The following FRMD4A variants were observed in gnomAD, a reference collection of about 807,000 sequenced individuals.
The protein encoded by FRMD4A is FERM domain-containing protein 4A.
A neutral mutation model predicts 129.1 loss-of-function variants in FRMD4A; 29 were observed. That is an observed-to-expected ratio of 0.22 (90% confidence interval 0.17 to 0.31). The LOEUF (loss-of-function observed/expected upper bound fraction) is 0.31. FRMD4A is among the 10% of genes least tolerant of loss of function. The pLI, the probability that FRMD4A is intolerant of heterozygous loss-of-function variation, is 1.00. For synonymous variants in FRMD4A, 634 were observed against 571.6 expected (o/e 1.11, Z -1.56); for missense variants, 1,272 against 1,375.8 (o/e 0.92, Z 1.19).
chr10:13,652,313 A>G, intron 23 of FRMD4A: 1 of 350,872 alleles, frequency 2.9e-6, no homozygotes, highest in Non-Finnish European at 5.4e-6. Flanking sequence ...GCAGGTTTCA[A>G]GACCATCTTA....
intron 3 of FRMD4A, among the ~76,000 whole-genome samples, chr10:13,852,751 G>A (rs912946668): frequency 5.9e-5 from 9 of 152,024 alleles, no homozygotes; most frequent in Admixed American, 1.3e-4. Flanking sequence ...CACAGCTGGC[G>A]TGTGATTTAT....
At chr10:14,124,600 C>G (rs1270697747) in intron 2 of FRMD4A, among the ~76,000 whole-genome samples, 2 of 152,132 alleles carry the variant, frequency 1.3e-5, no homozygotes, top group African/African-American at 2.4e-5. Flanking sequence ...CTCGTGAACC[C>G]AGGAGGCGGA....
At chr10:13,910,875 C>T (rs12360273) in intron 2 of FRMD4A, among the ~76,000 whole-genome samples, 3 of 123,090 alleles carry the variant, frequency 2.4e-5, no homozygotes, top group African/African-American at 3.3e-5. Context: ...TGTTAAGCCT[C>T]TGGGAGTTTC....
intron 2 of FRMD4A, among the ~76,000 whole-genome samples, chr10:14,101,601 AAGG>A (rs1297291540): frequency 1.3e-5 from 2 of 152,204 alleles, no homozygotes; most frequent in Non-Finnish European, 2.9e-5. Flanking sequence ...ATGGTGAAGA[AAGG>A]AGAAGAAAAG....
At chr10:14,216,306 G>C (rs555177258) in intron 2 of FRMD4A, among the ~76,000 whole-genome samples, 1 of 152,192 alleles carries the variant, frequency 6.6e-6, no homozygotes, top group East Asian at 1.9e-4. Context: ...TGGTTTCTTT[G>C]CATCTTCAAG....
At chr10:14,121,958 C>A (rs538025739) in intron 2 of FRMD4A, among the ~76,000 whole-genome samples, 18 of 152,216 alleles carry the variant, frequency 1.2e-4, no homozygotes, top group Admixed American at 3.9e-4. Flanking sequence ...AAGGATTATG[C>A]CAAGATATGG....
intron 3 of FRMD4A, among the ~76,000 whole-genome samples, chr10:13,842,349 C>T (rs1215857971): frequency 6.6e-6 from 1 of 152,210 alleles, no homozygotes; most frequent in Non-Finnish European, 1.5e-5. Flanking sequence ...ACTTTTGTCT[C>T]TGCTAGCCAT....
intron 2 of FRMD4A, among the ~76,000 whole-genome samples, chr10:13,903,893 A>G (rs912348426): frequency 3.2e-4 from 49 of 151,894 alleles, no homozygotes; most frequent in African/African-American, 1.1e-3. Flanking sequence ...AAAAAAAAAA[A>G]TTGTCTGATG....
chr10:13,798,798 G>A (rs2130834382), intron 4 of FRMD4A, among the ~76,000 whole-genome samples: 1 of 152,340 alleles, frequency 6.6e-6, no homozygotes, highest in East Asian at 1.9e-4. Flanking sequence ...GATAAATTCT[G>A]TTCTGACTAG....
Position 14,286,739 on chromosome 10 carries a change from A to C in FRMD4A, c.45+43319T>G, listed in dbSNP as rs182662079. On this transcript the variant is annotated intron_variant, in intron 2 of 24. Transcript: ENST00000357447. Reference sequence around the variant, plus strand: ...AGCATGAGGAGTATGAAAACCCTGCATGTGCTCTGTGTAAAGCAAGCCTAA... The same window carrying C: ...AGCATGAGGAGTATGAAAACCCTGCCTGTGCTCTGTGTAAAGCAAGCCTAA... Among the ~76,000 whole-genome samples the C allele has an allele frequency of 4.6e-3, 697 of 152,250 alleles. 7 individuals carry two copies. Among genetic ancestry groups the C allele is most frequent in the African/African-American group, 0.016 (648 of 41,554 alleles).
At chr10:14,177,021 A>G (rs189873721) in intron 2 of FRMD4A, among the ~76,000 whole-genome samples, 1 of 152,306 alleles carries the variant, frequency 6.6e-6, no homozygotes, top group East Asian at 1.9e-4. Context: ...TTCAATAACT[A>G]GAATAAGCTG....
At chr10:14,041,204 A>G (rs1833766630) in intron 2 of FRMD4A, among the ~76,000 whole-genome samples, 1 of 152,174 alleles carries the variant, frequency 6.6e-6, no homozygotes, top group Admixed American at 6.5e-5. Flanking sequence ...GCACATGTCA[A>G]ACACTTCTGC....
rs2091495742 is a variant in FRMD4A, at chr10:13,750,045, A to AAGG, written c.465-2227_465-2226insCCT. Among the ~76,000 whole-genome samples, 18 of 118,960 alleles carry AAGG rather than the reference A, an allele frequency of 1.5e-4. No homozygotes were observed. In the South Asian group the frequency reaches 1.8e-3, roughly 12 times the overall value. 78.0% of individuals were successfully genotyped at this position (118,960 alleles called of 152,430 possible). A position where few individuals can be genotyped will look rare whatever the true frequency, so the allele number is the denominator to read the frequency against. ...GGAGAGAGAGAAAGAGAGGGAAAGG[A>AAGG]AAGGAAGGAAGGAAGGAAGGAAGGA... On this transcript the variant is annotated intron_variant, in intron 8 of 24. Transcript: ENST00000357447.
chr10:14,072,531 G>C (rs570445863), intron 2 of FRMD4A, among the ~76,000 whole-genome samples: 90 of 152,328 alleles, frequency 5.9e-4, no homozygotes, highest in South Asian at 4.1e-3. Context: ...CCTCAGTTAA[G>C]TTACCACAAG....
At chr10:13,796,671 C>T (rs1381870821) in intron 4 of FRMD4A, 83 bp from the exon 5 acceptor site, 3 of 707,214 alleles carry the variant, frequency 4.2e-6, no homozygotes, top group African/African-American at 3.6e-5. Flanking sequence ...TGAAGCAGAA[C>T]GTGCTGGATC....
At chr10:14,287,868 G>C (rs907845841) in intron 2 of FRMD4A, among the ~76,000 whole-genome samples, 1 of 151,896 alleles carries the variant, frequency 6.6e-6, no homozygotes, top group Admixed American at 6.6e-5. Flanking sequence ...GAGATAAATA[G>C]GATGTTAAAA....
At position 13,778,236 on chromosome 10, in the gene FRMD4A, TAAAA is replaced by T. The variant is rs948692537; in HGVS notation, c.384+4682_384+4685del. Reference sequence around the variant, plus strand: ...GTTTCAAAGCGCTTTCACATTTATTTAAAAAAAAAACCTGATACTCTTACAATCT... The same window carrying T: ...GTTTCAAAGCGCTTTCACATTTATTTAAAAAACCTGATACTCTTACAATCT... On this transcript the variant is annotated intron_variant, in intron 6 of 24. Coordinates refer to ENST00000357447, the MANE Select transcript of FRMD4A (RefSeq NM_018027.5). Among the ~76,000 whole-genome samples the T allele has an allele frequency of 3.3e-3, 506 of 151,942 alleles. 3 individuals are homozygous for T. The highest frequency in any genetic ancestry group is 9.8e-3 in the African/African-American group (406 of 41,318).
chr10:14,144,741 G>T (rs1434620546), intron 2 of FRMD4A, among the ~76,000 whole-genome samples: 1 of 152,126 alleles, frequency 6.6e-6, no homozygotes, highest in Non-Finnish European at 1.5e-5. Context: ...GATTTCCCAA[G>T]CCTTGGGCCA....
chr10:14,093,141 T>C (rs1311210631), intron 2 of FRMD4A, among the ~76,000 whole-genome samples: 1 of 152,176 alleles, frequency 6.6e-6, no homozygotes, highest in Non-Finnish European at 1.5e-5. Context: ...GCCTTCCTGA[T>C]CCCAGCAAGG....
Sources: gnomAD v4.1 joint callset for allele counts (sites outside exome capture counted in the v4.1 genomes callset) on GRCh38, gnomAD v4.1.1 for gene constraint, MANE v1.5 for transcripts, NCBI Gene and HGNC (gene_info 2026-07-23, HGNC 2026-07-21) for gene names.